DNAH5: variants seen among roughly 807,000 people sequenced by gnomAD.
DNAH5 encodes the protein axonemal beta dynein heavy chain 5.
DNAH5 carries 372 observed loss-of-function variants against 518.2 expected under a neutral mutation model. The ratio of observed to expected loss-of-function variants is 0.72; its 90% CI spans 0.66 to 0.78. DNAH5 has a LOEUF of 0.78. Ranked by LOEUF, DNAH5 falls within the 30% of genes least tolerant of loss-of-function variation. DNAH5 has a pLI of 0.00. For missense variants in DNAH5, 5,523 were observed against 5,687.0 expected (o/e 0.97, Z 0.93); for synonymous variants, 2,039 against 2,025.9 (o/e 1.01, Z -0.17).
rs2401811 is a variant in DNAH5, at chr5:13,737,591, A to G, written c.11212-96T>C. 0.59 allele frequency: 761,485 copies of G among 1,286,720 alleles called. 228,883 individuals are homozygous for G. Among genetic ancestry groups the G allele is most frequent in the African/African-American group, 0.83 (56,473 of 68,232 alleles). The allele number at this position is 1,286,720 out of a possible 1,614,324, so 79.7% of individuals were successfully genotyped here. A position where few individuals can be genotyped will look rare whatever the true frequency, so the allele number is the denominator to read the frequency against. On this transcript the variant is annotated intron_variant, in intron 65 of 78. Transcript: ENST00000265104. The stretch of plus-strand genomic sequence containing the variant: ...CCTACATGGCTGCTTTGAAGCTCCC[A>G]TACTGTATTTATCATAATCAACTGC...
chr5:13,715,700 C>T lies in DNAH5; in HGVS notation c.12909+787G>A, dbSNP rs138366771. ...GAATTTTAGGTATAGAGAAAGGAGA[C>T]GCAGTCACCTTGAAAATCAGAATTT... On this transcript the variant is annotated intron_variant, in intron 74 of 78. Coordinates refer to ENST00000265104, the MANE Select transcript of DNAH5 (RefSeq NM_001369.3). 2.0e-4 allele frequency among the ~76,000 whole-genome samples: 31 copies of T among 152,304 alleles called. No homozygotes were observed. In the East Asian group the frequency reaches 5.8e-3, roughly 28 times the overall value.
Position 13,786,236 on chromosome 5 carries a change from GAT to G in DNAH5, c.8761_8762del (p.Ile2921ProfsTer96). 2.5e-6 allele frequency: 4 copies of G among 1,614,042 alleles called. No individual in the cohort carries two copies. The highest frequency in any genetic ancestry group is 3.4e-6 in the Non-Finnish European group (4 of 1,180,010). ...NMFLQLYNESIRGAGMDMVFF... is the reference protein window; with the variant it reads ...NMFLQLYNESXRGAGMDMVFF... ...ACACCATGTCCATGCCGGCGCCACG[GAT>G]GCTCTCATTATAGAGCTGCAGGAAC... On this transcript the variant is annotated frameshift_variant, in exon 52 of 79. Coordinates refer to ENST00000265104, the MANE Select transcript of DNAH5 (RefSeq NM_001369.3). LOFTEE classifies it high-confidence loss of function.
At chr5:13,950,576 G>T in intron 1 of DNAH5, among the ~76,000 whole-genome samples, 1 of 152,214 alleles carries the variant, frequency 6.6e-6, no homozygotes, top group Middle Eastern at 3.4e-3. Context: ...ACACCCAGCC[G>T]TATTCTTTGT....
At chr5:13,925,886 T>C (rs945487831) in intron 3 of DNAH5, among the ~76,000 whole-genome samples, 6 of 151,700 alleles carry the variant, frequency 4.0e-5, no homozygotes, top group Non-Finnish European at 8.8e-5. Context: ...GACAGGGGGG[T>C]TTGCTGGGAT....
chr5:13,892,871 C>G (rs1224027338), intron 16 of DNAH5, among the ~76,000 whole-genome samples: 3 of 152,132 alleles, frequency 2.0e-5, no homozygotes, highest in Non-Finnish European at 2.9e-5. Flanking sequence ...GTTCTAAACT[C>G]ATTATTATTT....
chr5:13,968,719 T>C lies in DNAH5; in HGVS notation c.13-37475A>G, dbSNP rs1342048370. Among the ~76,000 whole-genome samples, 3 of 152,218 alleles carry C rather than the reference T, an allele frequency of 2.0e-5. No homozygotes were observed. The East Asian group carries it at 5.8e-4, about 29-fold the overall frequency. ...TATACTGATGGATCAGGTTAGGTAG[T>C]ATTTTGTTACAGATTTTTGCATCTA... On this transcript the variant is annotated intron_variant, in intron 1 of 78. Transcript: ENST00000681290.
rs1403598682 is a variant in DNAH5 at position 13,787,871 on chromosome 5, A to G, written c.8647+845T>C. 2.0e-5 allele frequency among the ~76,000 whole-genome samples: 3 copies of G among 152,214 alleles called. No individual in the cohort carries two copies. The East Asian group carries it at 5.8e-4, about 29-fold the overall frequency. ...TGATAGTTCACATTTACAGTTATCA[A>G]ATCTAGAGAAGCACTGCCTAGTCAT... On this transcript the variant is annotated intron_variant, in intron 51 of 78. Coordinates refer to ENST00000265104, the MANE Select transcript of DNAH5 (RefSeq NM_001369.3).
intron 69 of DNAH5, 124 bp from the exon 70 acceptor site, chr5:13,727,780 T>C (rs1745957013): frequency 9.4e-7 from 1 of 1,059,084 alleles, no homozygotes; most frequent in Non-Finnish European, 1.4e-6. Context: ...TCCTTGGCTA[T>C]TTTTTTATTT....
At chr5:13,964,743 A>C (rs1178058231) in intron 1 of DNAH5, among the ~76,000 whole-genome samples, 1 of 152,258 alleles carries the variant, frequency 6.6e-6, no homozygotes. Context: ...GGGGATACAA[A>C]GATCTGAGGG....
Position 13,841,087 on chromosome 5 carries a change from T to A in DNAH5, c.5528A>T (p.Glu1843Val). 1 of 1,614,146 alleles carries A rather than the reference T, an allele frequency of 6.2e-7. No homozygotes were observed. Among genetic ancestry groups the A allele is most frequent in the East Asian group, 2.2e-5 (1 of 44,874 alleles). Residue 1843 changes from glutamate to valine, a missense_variant, in exon 34 of 79, where the codon GAA (glutamate) becomes GTA (valine). Glu to Val is a moderately radical substitution (Grantham distance 121). This residue lies in a region of DNAH5 where 5,121 missense variants were observed against 5,223.3 expected (regional missense o/e 0.98). Coordinates refer to ENST00000265104, the MANE Select transcript of DNAH5 (RefSeq NM_001369.3). ...AAACTTGGCATTTCTAAGGGCTTCTTCTGAATCCCGTGTCCATATCATCTG... is the reference window on the plus strand; with the variant it reads ...AAACTTGGCATTTCTAAGGGCTTCTACTGAATCCCGTGTCCATATCATCTG... ...GIQMIWTRDS[E>V]EALRNAKFDK...
chr5:13,886,129 C>T lies in DNAH5; in HGVS notation c.2578G>A (p.Asp860Asn), dbSNP rs1180383607. 6 of 1,467,220 alleles carry T rather than the reference C, an allele frequency of 4.1e-6. No individual in the cohort carries two copies. In the African/African-American group the frequency reaches 8.7e-5, roughly 21 times the overall value. 90.9% of individuals were successfully genotyped at this position (1,467,220 alleles called of 1,614,324 possible). ...TCEEFLQMTK[D>N]LCVNGAQILH... ...ATTTGTGCACCATTTACACAAAGAT[C>T]CTAACCAAAAAAAAAAAAAAAAAAA... Residue 860 changes from aspartate (D) to asparagine (N), a missense_variant and splice_region_variant, in exon 18 of 79, where the codon GAT becomes AAT. Physicochemically the swap from Asp to Asn is conservative, Grantham distance 23 (BLOSUM62 1). This residue lies in a region of DNAH5 where 5,121 missense variants were observed against 5,223.3 expected (regional missense o/e 0.98). Transcript: ENST00000265104.
chr5:13,786,202 C>G lies in DNAH5; in HGVS notation c.8797G>C (p.Asp2933His). The change falls in exon 52 of 79, where the codon GAT (aspartate) becomes CAT (histidine). Residue 2933 changes from aspartate to histidine, a missense_variant. This residue lies in a region of DNAH5 where 5,121 missense variants were observed against 5,223.3 expected (regional missense o/e 0.98). Transcript: ENST00000265104. Reference protein sequence around the residue: ...GAGMDMVFFADAMVHLVKISR... With the variant: ...GAGMDMVFFAHAMVHLVKISR... ...ACCTTGACTAAGTGAACCATGGCAT[C>G]TGCAAAGAACACCATGTCCATGCCG... 1.9e-6 allele frequency: 3 copies of G among 1,614,046 alleles called. No homozygotes were observed. Among genetic ancestry groups the G allele is most frequent in the African/African-American group, 1.3e-5 (1 of 75,046 alleles).
chr5:13,804,476 C>T lies in DNAH5; in HGVS notation c.7887+3115G>A, dbSNP rs76125161. 4.2e-3 allele frequency among the ~76,000 whole-genome samples: 647 copies of T among 152,314 alleles called. 25 individuals carry two copies. In the East Asian group the frequency reaches 0.086, roughly 20 times the overall value. ...GGGAGATGCAGAGACAAATGCTCTG[C>T]TCCATCAGCCCTGTTTAGCATGAAT... is the stretch of plus-strand genomic sequence containing the variant. On this transcript the variant is annotated intron_variant, in intron 47 of 78. Transcript: ENST00000265104.
intron 64 of DNAH5, among the ~76,000 whole-genome samples, chr5:13,751,923 C>G (rs1379591100): frequency 6.6e-6 from 1 of 152,082 alleles, no homozygotes; most frequent in African/African-American, 2.4e-5. Context: ...GCAGTCAGAC[C>G]CTTTTCACAT....
chr5:13,965,263 G>A (rs57771445), intron 1 of DNAH5, among the ~76,000 whole-genome samples: 2,075 of 151,982 alleles, frequency 0.014, 44 homozygotes, highest in African/African-American at 0.048. Flanking sequence ...AGACAAATCC[G>A]TTTTTTTAAT....
intron 52 of DNAH5, among the ~76,000 whole-genome samples, chr5:13,785,789 C>T (rs949607119): frequency 1.2e-4 from 18 of 152,152 alleles, no homozygotes; most frequent in African/African-American, 4.3e-4. Context: ...GTCTGGCTTA[C>T]TCCACATAAC....
chr5:13,999,098 C>G (rs1283300793), intron 1 of DNAH5, among the ~76,000 whole-genome samples: 2 of 152,224 alleles, frequency 1.3e-5, no homozygotes, highest in Non-Finnish European at 2.9e-5. Context: ...TCTCAAGCTC[C>G]TGACCTTAAG....
In DNAH5 at chr5:13,860,044, T is replaced by C. The variant is rs190298506; in HGVS notation, c.4797-439A>G. Among the ~76,000 whole-genome samples the C allele has an allele frequency of 1.4e-3, 209 of 152,322 alleles. 3 individuals are homozygous for C. The highest frequency in any genetic ancestry group is 4.8e-3 in the African/African-American group (200 of 41,570). On this transcript the variant is annotated intron_variant, in intron 29 of 78. Coordinates refer to ENST00000265104, the MANE Select transcript of DNAH5 (RefSeq NM_001369.3). Reference sequence around the variant, plus strand: ...AGACAACTAATTCAATCTTCAAATATGATAACACCTGGACTCTCTCCTTAG... The same window carrying C: ...AGACAACTAATTCAATCTTCAAATACGATAACACCTGGACTCTCTCCTTAG...
At position 13,729,472 on chromosome 5, in the gene DNAH5, G is replaced by A. The variant is rs778951473; in HGVS notation, c.11850C>T (p.Ser3950=). The A allele has an allele frequency of 3.1e-6, 5 of 1,613,994 alleles. No homozygotes were observed. Among genetic ancestry groups the A allele is most frequent in the Non-Finnish European group, 3.4e-6 (4 of 1,179,912 alleles). The change falls in exon 69 of 79, where the codon AGC becomes AGT. Residue 3950 remains serine (S), a synonymous_variant. Transcript: ENST00000265104. ...DITWLNLVEL[S]KLRQFSDVLD... ...GGACATCTGAAAACTGTCTGAGTTT[G>A]CTAAGTTCCACCAAATTCAGCCATG...
Sources: gnomAD v4.1 joint callset for allele counts (sites outside exome capture counted in the v4.1 genomes callset) on GRCh38, gnomAD v4.1.1 for gene constraint, gnomAD v4.1.1 regional missense constraint, MANE v1.5 for transcripts, NCBI Gene and HGNC (gene_info 2026-07-23, HGNC 2026-07-21) for gene names.